The following NBPF10 variants were observed in gnomAD, a reference collection of about 807,000 sequenced individuals.
NBPF10 encodes the protein NBPF member 10.
A neutral mutation model predicts 77.9 loss-of-function variants in NBPF10; 63 were observed. That is an observed-to-expected ratio of 0.81 (90% CI 0.66 to 1.00). The LOEUF (loss-of-function observed/expected upper bound fraction) is 1.00, where lower values mean the gene tolerates loss of function less well. Ranked by LOEUF, NBPF10 falls within the 50% of genes least tolerant of loss-of-function variation. The pLI is 0.00. For synonymous variants in NBPF10, 146 were observed against 264.5 expected, an observed-to-expected ratio of 0.55 and a Z score of 4.35; for missense variants, 522 against 679.8, an observed-to-expected ratio of 0.77 and a Z score of 2.58.
At chr1:146,066,991 G>A (rs1386465698) in intron 89 of NBPF10, among the ~76,000 whole-genome samples, 189 bp downstream of exon 89, 11 of 143,858 alleles carry the variant, frequency 7.6e-5, no homozygotes, top group Non-Finnish European at 1.6e-4. Context: ...CCTATGGTAC[G>A]TTAGGAAATG....
At chr1:146,125,888 G>A (rs1658549820) in intron 14 of NBPF10, among the ~76,000 whole-genome samples, 1 of 151,270 alleles carries the variant, frequency 6.6e-6, no homozygotes, top group African/African-American at 2.4e-5. Flanking sequence ...TGGTAGCGAG[G>A]ATTTTAGACG....
intron 6 of NBPF10, among the ~76,000 whole-genome samples, chr1:146,136,672 A>G (rs1207628555): frequency 6.9e-6 from 1 of 144,294 alleles, no homozygotes; most frequent in Admixed American, 6.9e-5. Context: ...TCAAGGGCAC[A>G]TCAAGGAAGT....
At chr1:146,069,609 G>C (rs1196401740) in exon 86 of NBPF10, 132 of 1,565,312 alleles carry the variant, frequency 8.4e-5, no homozygotes, top group Non-Finnish European at 1.1e-4. Context: ...CTGTAGGGCT[G>C]GCATGAGTCA....
intron 28 of NBPF10, 26 bp from the exon 29 acceptor site, chr1:146,114,546 A>T (rs1407842424): frequency 1.9e-5 from 1 of 53,418 alleles, no homozygotes; most frequent in Non-Finnish European, 3.3e-5. Context: ...ACAGGGACAG[A>T]CAAAATAAGC....
chr1:146,127,170 G>C, intron 12 of NBPF10, 91 bp from the exon 13 acceptor site: 1 of 574,438 alleles, frequency 1.7e-6, no homozygotes, highest in Non-Finnish European at 3.0e-6. Flanking sequence ...AGGGACATCA[G>C]TCTTGTCAGT....
At chr1:146,067,340 C>A (rs879976702) in intron 88 of NBPF10, 52 bp from the exon 89 acceptor site, 5 of 453,326 alleles carry the variant, frequency 1.1e-5, no homozygotes, top group African/African-American at 4.0e-5. Context: ...CCCCTACACA[C>A]ATAAAAATCC....
chr1:146,067,571 T>G (rs1443240190), intron 88 of NBPF10, among the ~76,000 whole-genome samples: 2 of 150,226 alleles, frequency 1.3e-5, no homozygotes, highest in Non-Finnish European at 2.9e-5. Flanking sequence ...CCAATCAACG[T>G]AAAGCAAATA....
chr1:146,126,266 G>T (rs1553789863), exon 14 of NBPF10: 9 of 1,608,464 alleles, frequency 5.6e-6, no homozygotes, highest in Admixed American at 1.7e-5. Context: ...CCAACACGCT[G>T]TTGCTCCAAT....
At chr1:146,067,458 G>A (rs202061848) in intron 88 of NBPF10, among the ~76,000 whole-genome samples, 170 bp from the exon 89 acceptor site, 8 of 129,432 alleles carry the variant, frequency 6.2e-5, no homozygotes, top group Non-Finnish European at 6.5e-5. Context: ...GAAATTCCTC[G>A]GTTTTTCTCC....
At chr1:146,067,117 C>A in intron 89 of NBPF10, 63 bp downstream of exon 89, 1 of 627,030 alleles carries the variant, frequency 1.6e-6, no homozygotes. Context: ...ACTCTGGTTT[C>A]CCTGAATCTG....
rs587720780 is a variant in NBPF10, at chr1:146,141,837, G to A, written c.279-19C>T. On this transcript the variant is annotated intron_variant, in intron 2 of 89. Coordinates refer to ENST00000583866, the Ensembl canonical transcript of NBPF10. ...ATATTGCCTAAGGTGAGACGGTAGA[G>A]AAAATTTAAGAGTAGAAAGGGTTGA... 71 of 1,279,448 alleles carry A rather than the reference G, an allele frequency of 5.5e-5. 4 individuals are homozygous for A. The African/African-American group carries it at 9.4e-4, about 17-fold the overall frequency. 79.3% of individuals were successfully genotyped at this position (1,279,448 alleles called of 1,614,324 possible). A position where few individuals can be genotyped will look rare whatever the true frequency, so the allele number is the denominator to read the frequency against.
At chr1:146,085,743 A>ACG (rs879996895) in intron 65 of NBPF10, among the ~76,000 whole-genome samples, 3 of 7,542 alleles carry the variant, frequency 4.0e-4, no homozygotes, top group African/African-American at 1.1e-3. Flanking sequence ...ACACACACAC[A>ACG]CACACACACA....
Position 146,129,928 on chromosome 1 carries a change from G to C in NBPF10, c.1638-1646C>G, listed in dbSNP as rs1427224782. ...ATATATATATTTTTTAATACTTTAA[G>C]TCTTAGGGTACATGTGCACAACGTG... On this transcript the variant is annotated intron_variant, in intron 11 of 89. Coordinates refer to ENST00000583866, the Ensembl canonical transcript of NBPF10. Among the ~76,000 whole-genome samples, 2 of 100,804 alleles carry C rather than the reference G, an allele frequency of 2.0e-5. 1 individual carries two copies. The highest frequency in any genetic ancestry group is 4.0e-5 in the Non-Finnish European group (2 of 49,678). 66.1% of individuals were successfully genotyped at this position (100,804 alleles called of 152,430 possible).
chr1:146,126,274 A>T lies in NBPF10; in HGVS notation c.1988T>A (p.Leu663Ter), dbSNP rs782551909. 5 of 1,607,972 alleles carry T rather than the reference A, an allele frequency of 3.1e-6. No individual in the cohort carries two copies. In the East Asian group the frequency reaches 8.9e-5, roughly 29 times the overall value. Reference sequence around the variant, plus strand: ...AGCCAAGCCAACACGCTGTTGCTCCAATATGTAAAAGGCACTTCTGTAGGG... The same window carrying T: ...AGCCAAGCCAACACGCTGTTGCTCCTATATGTAAAAGGCACTTCTGTAGGG... Residue 663 changes from leucine (L) to a stop codon, truncating the protein, a stop_gained, in exon 14 of 90, where the codon TTG becomes TAG. Coordinates refer to ENST00000583866, the Ensembl canonical transcript of NBPF10. LOFTEE classifies it high-confidence loss of function.
At chr1:146,069,473 T>A (rs1553779315) in intron 86 of NBPF10, 70 bp downstream of exon 86, 2 of 630,758 alleles carry the variant, frequency 3.2e-6, no homozygotes, top group African/African-American at 6.6e-5. Context: ...TAAGGGCCAC[T>A]TGCAGTAGGA....
exon 14 of NBPF10, chr1:146,126,262 C>T (rs3930826): frequency 8.6e-5 from 138 of 1,608,466 alleles, no homozygotes; most frequent in African/African-American, 4.7e-4. Flanking sequence ...CAAGCCAACA[C>T]GCTGTTGCTC....
At chr1:146,121,979 C>T (rs1658233247) in intron 19 of NBPF10, among the ~76,000 whole-genome samples, 1 of 124,884 alleles carries the variant, frequency 8.0e-6, no homozygotes, top group Non-Finnish European at 1.6e-5. Flanking sequence ...TCATGACACA[C>T]AGCAAACTGT....
At chr1:146,109,319 C>G (rs1657346928) in intron 35 of NBPF10, among the ~76,000 whole-genome samples, 1 of 103,700 alleles carries the variant, frequency 9.6e-6, no homozygotes, top group African/African-American at 3.3e-5. Context: ...TAGACACACA[C>G]ACACACACAC....
chr1:146,110,851 T>C, intron 33 of NBPF10, among the ~76,000 whole-genome samples, 167 bp from the exon 34 acceptor site: 1 of 3,332 alleles, frequency 3.0e-4, no homozygotes, highest in African/African-American at 1.2e-3. Flanking sequence ...CAGGGCCAGG[T>C]AGAAAAGAAT....
Sources: allele counts gnomAD v4.1 joint callset (sites outside exome capture counted in the v4.1 genomes callset), GRCh38; gene constraint gnomAD v4.1.1; transcripts MANE v1.5; gene names NCBI Gene and HGNC (gene_info 2026-07-23, HGNC 2026-07-21).